Variants in WDR20 observed in about 807,000 individuals in gnomAD.
WDR20 encodes the protein WD repeat domain 20.
A neutral mutation model predicts 38.7 loss-of-function variants in WDR20; 3 were observed. The observed-to-expected ratio is 0.08, with a 90% CI of 0.04 to 0.20. WDR20 has a LOEUF of 0.20. Ranked by LOEUF, WDR20 falls within the 10% of genes least tolerant of loss-of-function variation. The pLI, the probability that WDR20 is intolerant of heterozygous loss-of-function variation, is 1.00. For synonymous variants in WDR20, 298 were observed against 285.6 expected (o/e 1.04, Z -0.44); for missense variants, 559 against 727.7 (o/e 0.77, Z 2.67).
At chr14:102,200,493 GTGTGTGTGTGTGTGTT>G in intron 2 of WDR20, among the ~76,000 whole-genome samples, 1 of 134,764 alleles carries the variant, frequency 7.4e-6, no homozygotes, top group Non-Finnish European at 1.6e-5. Context: ...GTGTGTGTGT[GTGTGTGTGTGTGTGTT>G]TCACTCTGCC....
downstream of WDR20, among the ~76,000 whole-genome samples, chr14:102,215,773 G>A (rs184776013): frequency 1.1e-4 from 17 of 152,288 alleles, 1 homozygote; most frequent in East Asian, 3.3e-3. Context: ...GGTGCAGAGC[G>A]CTTCCTACAC....
chr14:102,189,671 A>G (rs1566974195), intron 1 of WDR20, among the ~76,000 whole-genome samples: 1 of 152,220 alleles, frequency 6.6e-6, no homozygotes, highest in Non-Finnish European at 1.5e-5. Context: ...GGTAATTGAT[A>G]ATAATTGGGA....
rs2061901282 is a variant in WDR20 at position 102,208,182 on chromosome 14, A to G, written c.433-421A>G. 6.6e-6 allele frequency among the ~76,000 whole-genome samples: 1 copy of G among 152,264 alleles called. No individual in the cohort carries two copies. The highest frequency in any genetic ancestry group is 2.4e-5 in the African/African-American group (1 of 41,480). The stretch of plus-strand genomic sequence containing the variant: ...GTGAGGCAGAGCCCTCCTGGCTGTG[A>G]GGACTCACAGGCTTCACCTGCAGGT... On this transcript the variant is annotated intron_variant, in intron 2 of 2. Coordinates refer to ENST00000342702, the MANE Select transcript of WDR20 (RefSeq NM_144574.4). This position sits in a 1 kb window ranked among gnomAD's most constrained non-coding sequence, Gnocchi z 5.6.
chr14:102,221,430 T>G lies in WDR20; in HGVS notation c.1693-1400T>G, dbSNP rs556093103. ...AGAGGCTTCCTTCCTCCAGACTGTC[T>G]GCGGCAGAAGTGGGGTCAGGAACCT... On this transcript the variant is annotated intron_variant, in intron 3 of 3. Coordinates refer to the WDR20 transcript ENST00000335263. This position sits in a 1 kb window ranked among gnomAD's most constrained non-coding sequence, Gnocchi z 4.8. 6.6e-6 allele frequency among the ~76,000 whole-genome samples: 1 copy of G among 152,306 alleles called. No homozygotes were observed. The highest frequency in any genetic ancestry group is 2.1e-4 in the South Asian group (1 of 4,826).
chr14:102,159,145 A>G (rs964377597), intron 1 of WDR20, among the ~76,000 whole-genome samples: 3 of 151,864 alleles, frequency 2.0e-5, no homozygotes, highest in African/African-American at 4.8e-5. Context: ...GAGTCTCACT[A>G]TGTTACCCAG....
chr14:102,166,053 A>G (rs969727139), intron 1 of WDR20, among the ~76,000 whole-genome samples: 3 of 152,116 alleles, frequency 2.0e-5, no homozygotes, highest in African/African-American at 4.8e-5. Context: ...GTACAGTGAC[A>G]TCATCACGGC....
chr14:102,200,661 T>C (rs2060243207), intron 2 of WDR20, among the ~76,000 whole-genome samples: 1 of 152,222 alleles, frequency 6.6e-6, no homozygotes, highest in African/African-American at 2.4e-5. Flanking sequence ...CACAGAATAG[T>C]AACTTTGAAG....
Position 102,209,852 on chromosome 14 carries a change from C to G in WDR20, c.1682C>G (p.Pro561Arg), listed in dbSNP as rs753997761. 6.2e-7 allele frequency: 1 copy of G among 1,611,872 alleles called. No homozygotes were observed. The highest frequency in any genetic ancestry group is 8.5e-7 in the Non-Finnish European group (1 of 1,178,832). The change falls in exon 3 of 3, where the codon CCT becomes CGT. Residue 561 changes from proline (P) to arginine (R), a missense_variant. Pro to Arg is a moderately radical substitution (Grantham distance 103). Transcript: ENST00000342702. The surrounding 1 kb of genome is among the most constrained non-coding windows in gnomAD (Gnocchi z 6.0). The stretch of plus-strand genomic sequence containing the variant: ...GGATTTATTTGCACATGGGGAAGGC[C>G]TGGTAAAGTGGTAAGTTTTAATCCT... ...QEGFICTWGRPGKVVSFNP is the reference protein window; with the variant it reads ...QEGFICTWGRRGKVVSFNP
intron 1 of WDR20, among the ~76,000 whole-genome samples, chr14:102,161,137 TATATA>T (rs1399544309): frequency 3.5e-4 from 5 of 14,256 alleles, no homozygotes; most frequent in East Asian, 4.0e-3. Flanking sequence ...TATATATATA[TATATA>T]TTTTTTTTTT....
chr14:102,213,403 T>C (rs1567088709), downstream of WDR20: 1 of 985,370 alleles, frequency 1.0e-6, no homozygotes, highest in Admixed American at 6.1e-5. Flanking sequence ...TCTTTTGTGC[T>C]GATTGAACCT....
chr14:102,151,112 A>G (rs1266778833), intron 1 of WDR20, among the ~76,000 whole-genome samples: 2 of 151,994 alleles, frequency 1.3e-5, no homozygotes, highest in Non-Finnish European at 2.9e-5. Flanking sequence ...GAGAGGATAA[A>G]TGCATAACTC....
chr14:102,157,420 G>A (rs1203168975), intron 1 of WDR20: 1 of 152,134 alleles, frequency 6.6e-6, no homozygotes. Flanking sequence ...TTAGCTCCAT[G>A]AAGAGCTCTC....
downstream of WDR20, chr14:102,214,271 C>T (rs541532242): frequency 3.8e-5 from 37 of 985,452 alleles, no homozygotes; most frequent in Middle Eastern, 5.2e-4. Flanking sequence ...GCACACCCTT[C>T]GCCACGGGCT....
chr14:102,187,899 TG>T (rs1462123536), intron 1 of WDR20, among the ~76,000 whole-genome samples: 3 of 152,104 alleles, frequency 2.0e-5, no homozygotes, highest in African/African-American at 7.2e-5. Flanking sequence ...GAGAGTGCTT[TG>T]GGTGTAGGCC....
chr14:102,220,757 T>C lies in WDR20; in HGVS notation c.1693-2073T>C, dbSNP rs1382763698. 6.6e-6 allele frequency among the ~76,000 whole-genome samples: 1 copy of C among 151,380 alleles called. No homozygotes were observed. The highest frequency in any genetic ancestry group is 1.5e-5 in the Non-Finnish European group (1 of 67,878). ...AAAAAAGAAAATATTAAAATTAATG[T>C]CACTTGTTTTTATTATCTATCTTTT... is the stretch of plus-strand genomic sequence containing the variant. On this transcript the variant is annotated intron_variant, in intron 3 of 3. Transcript: ENST00000335263. This position sits in a 1 kb window ranked among gnomAD's most constrained non-coding sequence, Gnocchi z 4.2.
At chr14:102,172,523 G>A (rs2061072444) in intron 1 of WDR20, among the ~76,000 whole-genome samples, 1 of 150,082 alleles carries the variant, frequency 6.7e-6, no homozygotes, top group Non-Finnish European at 1.5e-5. Context: ...CGGGGCGGCT[G>A]GCCGGGCGGG....
downstream of WDR20, among the ~76,000 whole-genome samples, chr14:102,219,137 G>C (rs773761637): frequency 5.9e-5 from 9 of 152,240 alleles, no homozygotes; most frequent in Non-Finnish European, 1.3e-4. Flanking sequence ...TTCCATGGGG[G>C]CCTAGGTGTC....
chr14:102,190,461 C>T (rs1036715125), intron 1 of WDR20, among the ~76,000 whole-genome samples: 1 of 152,058 alleles, frequency 6.6e-6, no homozygotes, highest in Non-Finnish European at 1.5e-5. Context: ...GGTGTGGTGG[C>T]AGGCGCCTTT....
intron 1 of WDR20, among the ~76,000 whole-genome samples, chr14:102,172,365 C>A (rs1190566): frequency 0.55 from 73,486 of 132,502 alleles, 19,643 homozygotes; most frequent in East Asian, 0.81. Flanking sequence ...CCTTTCCCCG[C>A]TTTCTATTCC....
Sources: allele counts gnomAD v4.1 joint callset (sites outside exome capture counted in the v4.1 genomes callset), GRCh38; gene constraint gnomAD v4.1.1; non-coding constraint Gnocchi (gnomAD v3.1); transcripts MANE v1.5; gene names NCBI Gene and HGNC (gene_info 2026-07-23, HGNC 2026-07-21).